Variants in ANO2 observed in about 807,000 individuals in gnomAD.
ANO2 encodes the protein anoctamin 2.
In ANO2, 101 loss-of-function variants were observed where a neutral mutation model predicts 124.2. That is an observed-to-expected ratio of 0.81 (90% CI 0.69 to 0.96). The LOEUF (loss-of-function observed/expected upper bound fraction) is 0.96, where lower values mean the gene tolerates loss of function less well. ANO2 is among the 40% of genes least tolerant of loss of function. The probability of loss-of-function intolerance (pLI) is 0.00; values close to 1 mark genes in which losing one functional copy is unlikely to be tolerated. For synonymous variants in ANO2, 486 were observed against 482.5 expected, an observed-to-expected ratio of 1.01 and a Z score of -0.09; for missense variants, 1,293 against 1,274.5, an observed-to-expected ratio of 1.01 and a Z score of -0.22.
intron 1 of ANO2, among the ~76,000 whole-genome samples, chr12:5,923,177 C>T (rs1209796724): frequency 1.6e-5 from 1 of 63,754 alleles, no homozygotes; most frequent in South Asian, 5.7e-4. Context: ...CACACACGCA[C>T]ACACACATAC....
At chr12:5,934,494 A>G (rs939030148) in intron 1 of ANO2, among the ~76,000 whole-genome samples, 1 of 152,254 alleles carries the variant, frequency 6.6e-6, no homozygotes, top group Non-Finnish European at 1.5e-5. Flanking sequence ...TGAGAAATTC[A>G]TTTCAGGAAG....
rs577018315 is a variant in ANO2 at position 5,909,041 on chromosome 12, G to C, written c.534+11999C>G. Reference sequence around the variant, plus strand: ...GAGCAGGAAGGGGCCCTGGAGACTGGTGGGAGCTAGGAGAACATGCACAGA... The same window carrying C: ...GAGCAGGAAGGGGCCCTGGAGACTGCTGGGAGCTAGGAGAACATGCACAGA... On this transcript the variant is annotated intron_variant, in intron 3 of 24. Coordinates refer to ENST00000682330, the MANE Select transcript of ANO2 (RefSeq NM_001364791.2). Among the ~76,000 whole-genome samples, 6 of 152,342 alleles carry C rather than the reference G, an allele frequency of 3.9e-5. No individual in the cohort carries two copies. The South Asian group carries it at 1.2e-3, about 32-fold the overall frequency.
intron 4 of ANO2, among the ~76,000 whole-genome samples, chr12:5,838,401 C>T (rs1049721563): frequency 6.6e-6 from 1 of 152,208 alleles, no homozygotes; most frequent in African/African-American, 2.4e-5. Flanking sequence ...CAGGCTGAAA[C>T]ACCACAGCAG....
Position 5,827,754 on chromosome 12 carries a change from G to A in ANO2, c.892+15C>T. On this transcript the variant is annotated intron_variant, in intron 7 of 24. Coordinates refer to ENST00000682330, the MANE Select transcript of ANO2 (RefSeq NM_001364791.2). ...AGCGCCCGTCAGCACCCTGCCCGCGGGCTGGGGTCCTTACCCATCGTGTTG... is the reference window on the plus strand; with the variant it reads ...AGCGCCCGTCAGCACCCTGCCCGCGAGCTGGGGTCCTTACCCATCGTGTTG... 1 of 1,607,462 alleles carries A rather than the reference G, an allele frequency of 6.2e-7. No individual in the cohort carries two copies. Among genetic ancestry groups the A allele is most frequent in the African/African-American group, 1.3e-5 (1 of 74,950 alleles).
At chr12:5,700,761 G>A (rs1949369068) in intron 14 of ANO2, among the ~76,000 whole-genome samples, 1 of 152,080 alleles carries the variant, frequency 6.6e-6, no homozygotes, top group Admixed American at 6.6e-5. Context: ...GGGGTTATCA[G>A]ACTGCTGGCC....
intron 14 of ANO2, among the ~76,000 whole-genome samples, chr12:5,678,173 A>AT (rs1182069328): frequency 4.6e-5 from 7 of 152,272 alleles, no homozygotes; most frequent in Middle Eastern, 3.4e-3. Context: ...ATGCTGGCAG[A>AT]TTTTTACATG....
At chr12:5,685,944 C>T (rs12296218) in intron 14 of ANO2, among the ~76,000 whole-genome samples, 56,901 of 152,164 alleles carry the variant, frequency 0.37, 12,412 homozygotes, top group East Asian at 0.59. Context: ...TCCCCAGTCC[C>T]ACCGCTGGAG....
intron 14 of ANO2, among the ~76,000 whole-genome samples, chr12:5,685,603 G>A (rs183038392): frequency 2.0e-4 from 30 of 152,266 alleles, no homozygotes; most frequent in Admixed American, 8.5e-4. Flanking sequence ...GGGCAACATG[G>A]CGAAATGCTG....
At chr12:5,905,416 T>C (rs1419825119) in intron 3 of ANO2, among the ~76,000 whole-genome samples, 2 of 152,218 alleles carry the variant, frequency 1.3e-5, no homozygotes. Flanking sequence ...CCTAGCACAG[T>C]AGAAGCATCT....
chr12:5,594,558 G>C (rs890184419), intron 20 of ANO2, among the ~76,000 whole-genome samples: 4 of 152,142 alleles, frequency 2.6e-5, no homozygotes, highest in African/African-American at 9.7e-5. Flanking sequence ...ACTCGTGGCC[G>C]GGTGTGGTGG....
At chr12:5,640,374 T>G (rs1946277469) in intron 15 of ANO2, among the ~76,000 whole-genome samples, 1 of 152,198 alleles carries the variant, frequency 6.6e-6, no homozygotes, top group Non-Finnish European at 1.5e-5. Context: ...CTTCATCTCA[T>G]GCTCCACACC....
chr12:5,600,694 C>G (rs1204872629), intron 19 of ANO2, among the ~76,000 whole-genome samples: 1 of 152,128 alleles, frequency 6.6e-6, no homozygotes, highest in African/African-American at 2.4e-5. Flanking sequence ...TTTGCAATTA[C>G]TTTTTAATGG....
At chr12:5,926,932 A>AGTGAGT (rs1942106527) in intron 1 of ANO2, among the ~76,000 whole-genome samples, 1 of 152,192 alleles carries the variant, frequency 6.6e-6, no homozygotes, top group Non-Finnish European at 1.5e-5. Flanking sequence ...TTCCTCATAA[A>AGTGAGT]GTGAGTGTGA....
chr12:5,744,346 G>A lies in ANO2; in HGVS notation c.1191-29C>T. 3.7e-6 allele frequency: 6 copies of A among 1,613,186 alleles called. 1 individual carries two copies. The highest frequency in any genetic ancestry group is 3.3e-5 in the South Asian group (3 of 91,010). On this transcript the variant is annotated intron_variant, in intron 11 of 24. Transcript: ENST00000682330. ...CAATAGATGGAGGTTGTTGGGTCAG[G>A]TGGAGCTCAAGCATGGTCCACTCCA...
chr12:5,565,028 C>A (rs1358741603), intron 24 of ANO2, among the ~76,000 whole-genome samples: 1 of 152,094 alleles, frequency 6.6e-6, no homozygotes, highest in Non-Finnish European at 1.5e-5. Context: ...TGGCTATTGT[C>A]CCAGATAGGA....
intron 7 of ANO2, among the ~76,000 whole-genome samples, chr12:5,818,900 T>C (rs1313887215): frequency 1.3e-5 from 2 of 152,170 alleles, no homozygotes; most frequent in African/African-American, 2.4e-5. Context: ...AAGAAAATGA[T>C]GAACTCAGGG....
intron 3 of ANO2, among the ~76,000 whole-genome samples, chr12:5,890,241 G>A (rs1939298765): frequency 6.6e-6 from 1 of 152,052 alleles, no homozygotes; most frequent in African/African-American, 2.4e-5. Context: ...CAGCCTCATT[G>A]CCAACCCACT....
Position 5,827,787 on chromosome 12 carries a change from G to C in ANO2, c.874C>G (p.Arg292Gly), listed in dbSNP as rs1954018260. 1 of 1,611,452 alleles carries C rather than the reference G, an allele frequency of 6.2e-7. No homozygotes were observed. Among genetic ancestry groups the C allele is most frequent in the Non-Finnish European group, 8.5e-7 (1 of 1,179,068 alleles). ...TCCTTACCCATCGTGTTGTTGGCTC[G>C]GGAGCAGGCTGTGCGCTTCAGGATC... ...HEILKRTACS[R>G]ANNTMGINSL... The change falls in exon 7 of 25, where the codon CGA becomes GGA. Residue 292 changes from arginine to glycine, a missense_variant. Physicochemically the swap from Arg to Gly is moderately radical, Grantham distance 125 (BLOSUM62 -2). Coordinates refer to ENST00000682330, the MANE Select transcript of ANO2 (RefSeq NM_001364791.2).
At chr12:5,918,857 G>A (rs17724506) in intron 3 of ANO2, among the ~76,000 whole-genome samples, 23,060 of 152,152 alleles carry the variant, frequency 0.15, 1,981 homozygotes, top group Middle Eastern at 0.2. Flanking sequence ...CAGACATTGT[G>A]CTGAAATTTT....
Sources: gnomAD v4.1 joint callset for allele counts (sites outside exome capture counted in the v4.1 genomes callset) on GRCh38, gnomAD v4.1.1 for gene constraint, MANE v1.5 for transcripts, NCBI Gene and HGNC (gene_info 2026-07-23, HGNC 2026-07-21) for gene names.